The following CDC42BPB variants were observed in gnomAD, a reference collection of about 807,000 sequenced individuals.
The protein encoded by CDC42BPB is serine/threonine-protein kinase MRCK beta.
CDC42BPB carries 37 observed loss-of-function variants against 214.9 expected under a neutral mutation model. The ratio of observed to expected loss-of-function variants is 0.17; its 90% CI spans 0.13 to 0.23. CDC42BPB has a LOEUF of 0.23. Among genes scored for constraint, CDC42BPB ranks in the 10% least tolerant of loss-of-function variants. CDC42BPB has a pLI of 1.00. For synonymous variants in CDC42BPB, 931 were observed against 884.0 expected, an observed-to-expected ratio of 1.05 and a Z score of -0.94; for missense variants, 1,694 against 2,227.0, an observed-to-expected ratio of 0.76 and a Z score of 4.82.
chr14:102,943,748 G>T lies in CDC42BPB; in HGVS notation c.4408+143C>A. The T allele has an allele frequency of 1.5e-6, 1 of 686,864 alleles. No homozygotes were observed. Among genetic ancestry groups the T allele is most frequent in the African/African-American group, 1.8e-5 (1 of 55,684 alleles). The allele number at this position is 686,864 out of a possible 1,614,324, so 42.5% of individuals were successfully genotyped here. A position where few individuals can be genotyped will look rare whatever the true frequency, so the allele number is the denominator to read the frequency against. ...ATCTGAACCATGCTCTCTGCTGCGG[G>T]CTGGCATGGGGCCCACCTCTCCCGA... On this transcript the variant is annotated intron_variant, in intron 30 of 36. Coordinates refer to ENST00000361246, the MANE Select transcript of CDC42BPB (RefSeq NM_006035.4). This position sits in a 1 kb window ranked among gnomAD's most constrained non-coding sequence, Gnocchi z 4.6.
chr14:103,055,765 C>T lies in CDC42BPB; in HGVS notation c.175+1234G>A, dbSNP rs185317620. Among the ~76,000 whole-genome samples the T allele has an allele frequency of 3.9e-4, 59 of 152,074 alleles. 1 individual carries two copies. The East Asian group carries it at 9.6e-3, about 25-fold the overall frequency. ...TATTTGTAAACAAAATTCCAAATTC[C>T]AGTCACCAATCTGGCAGAGTAGAGT... On this transcript the variant is annotated intron_variant, in intron 1 of 36. Transcript: ENST00000361246.
At chr14:102,971,660 G>A (rs1893478868) in intron 13 of CDC42BPB, among the ~76,000 whole-genome samples, 1 of 152,224 alleles carries the variant, frequency 6.6e-6, no homozygotes, top group Non-Finnish European at 1.5e-5. Flanking sequence ...AAGCCAGGCT[G>A]CATCACAGCA....
At chr14:103,018,467 A>AT (rs1886588705) in intron 1 of CDC42BPB, among the ~76,000 whole-genome samples, 1 of 152,244 alleles carries the variant, frequency 6.6e-6, no homozygotes. Context: ...CCCCATTAAG[A>AT]TAACAATGGT....
chr14:102,943,922 C>A lies in CDC42BPB; in HGVS notation c.4377G>T (p.Glu1459Asp), dbSNP rs1892019355. ...CGACAGGAGCCGCAGGCCACATGAG[C>A]TCCTGCGCGCGTGCCCTCCGGCCTT... ...DPQGRRARAQ[E>D]LMWPAAPVAC... Residue 1459 changes from glutamate to aspartate, a missense_variant, in exon 30 of 37, where the codon GAG becomes GAT. Coordinates refer to ENST00000361246, the MANE Select transcript of CDC42BPB (RefSeq NM_006035.4). The surrounding 1 kb of genome is among the most constrained non-coding windows in gnomAD (Gnocchi z 4.6). 6.2e-7 allele frequency: 1 copy of A among 1,611,746 alleles called. No individual in the cohort carries two copies. Among genetic ancestry groups the A allele is most frequent in the African/African-American group, 1.3e-5 (1 of 74,936 alleles).
At chr14:103,031,485 T>C (rs2139706301) in intron 1 of CDC42BPB, among the ~76,000 whole-genome samples, 1 of 152,350 alleles carries the variant, frequency 6.6e-6, no homozygotes, top group South Asian at 2.1e-4. Context: ...GCATTTCCTT[T>C]CACAAGCTAC....
intron 1 of CDC42BPB, among the ~76,000 whole-genome samples, chr14:103,036,726 GAC>G (rs1887686324): frequency 1.3e-5 from 2 of 152,308 alleles, no homozygotes; most frequent in East Asian, 1.9e-4. Flanking sequence ...TATCAATACA[GAC>G]AATAAAAAAT....
chr14:102,935,741 G>C (rs1891621898), intron 36 of CDC42BPB, among the ~76,000 whole-genome samples: 1 of 135,500 alleles, frequency 7.4e-6, no homozygotes, highest in Non-Finnish European at 1.5e-5. Context: ...AGTGAGCCAA[G>C]ATCGTGCCAC....
chr14:103,056,427 G>A (rs921248291), intron 1 of CDC42BPB, among the ~76,000 whole-genome samples: 1 of 152,168 alleles, frequency 6.6e-6, no homozygotes, highest in African/African-American at 2.4e-5. Flanking sequence ...TGGGCTCCCT[G>A]GGGATGCAAG....
chr14:103,026,281 C>G lies in CDC42BPB; in HGVS notation c.176-14093G>C, dbSNP rs562150272. ...TGGCACATGCCTGTAGTCCCAGCTA[C>G]TCAGGAGACTGAGGCAGGAGAATCG... On this transcript the variant is annotated intron_variant, in intron 1 of 36. Coordinates refer to ENST00000361246, the MANE Select transcript of CDC42BPB (RefSeq NM_006035.4). 9.1e-4 allele frequency among the ~76,000 whole-genome samples: 139 copies of G among 151,996 alleles called. 2 individuals are homozygous for G. The highest frequency in any genetic ancestry group is 4.0e-3 in the South Asian group (19 of 4,810).
In CDC42BPB at chr14:103,003,956, T is replaced by G; in HGVS notation, c.419A>C (p.His140Pro). Residue 140 changes from histidine (H) to proline (P), a missense_variant, in exon 4 of 37, where the codon CAC becomes CCC. Physicochemically the swap from His to Pro is moderately conservative, Grantham distance 77. Transcript: ENST00000361246. ...NGDCQWITAL[H>P]YAFQDENHLY... ...GTGGTTCTCGTCCTGAAAGGCGTAG[T>G]GCAGCGCGGTGATCCACTGGCAGTC... 6.2e-7 allele frequency: 1 copy of G among 1,612,044 alleles called. No homozygotes were observed. The highest frequency in any genetic ancestry group is 8.5e-7 in the Non-Finnish European group (1 of 1,179,328).
At position 102,933,190 on chromosome 14, in the gene CDC42BPB, T is replaced by G. The variant is rs1891475013; in HGVS notation, c.*522A>C. 6.6e-6 allele frequency: 1 copy of G among 152,552 alleles called. No homozygotes were observed. The highest frequency in any genetic ancestry group is 1.9e-4 in the East Asian group (1 of 5,200). The allele number at this position is 152,552 out of a possible 1,614,324, so 9.4% of individuals were successfully genotyped here. ...GGTCAGCAGGACTTCTGCAGCTGAC[T>G]GTGCAATGGCTAAATGAAAAAAAGG... On this transcript the variant is annotated 3_prime_UTR_variant, in exon 37 of 37. Transcript: ENST00000361246.
chr14:102,975,591 C>A, intron 11 of CDC42BPB, 93 bp downstream of exon 11: 2 of 1,321,770 alleles, frequency 1.5e-6, no homozygotes, highest in Non-Finnish European at 2.1e-6. Flanking sequence ...TTTTTTTCTG[C>A]TTTCCCACTT....
intron 14 of CDC42BPB, chr14:102,968,920 G>A (rs1893346202): frequency 1.0e-6 from 1 of 984,854 alleles, no homozygotes; most frequent in Non-Finnish European, 1.2e-6. Flanking sequence ...GCAGGGGGAT[G>A]TGCCCAGGTC....
chr14:103,053,532 G>GGC (rs1566929992), intron 1 of CDC42BPB, among the ~76,000 whole-genome samples: 3 of 151,600 alleles, frequency 2.0e-5, no homozygotes, highest in South Asian at 2.1e-4. Context: ...GAGGCCAAGG[G>GGC]GGGCAGATCA....
intron 1 of CDC42BPB, among the ~76,000 whole-genome samples, chr14:103,016,946 G>A (rs758602579): frequency 3.9e-5 from 6 of 152,106 alleles, no homozygotes; most frequent in African/African-American, 9.7e-5. Context: ...TCAGGAAACC[G>A]CAAGGTGAGC....
At chr14:103,028,107 G>C (rs1181507623) in intron 1 of CDC42BPB, among the ~76,000 whole-genome samples, 1 of 152,178 alleles carries the variant, frequency 6.6e-6, no homozygotes, top group Non-Finnish European at 1.5e-5. Context: ...TCCAGCCTGG[G>C]TGACAGAGCA....
chr14:102,945,854 G>T, intron 28 of CDC42BPB, 130 bp from the exon 29 acceptor site: 1 of 739,586 alleles, frequency 1.4e-6, no homozygotes, highest in Non-Finnish European at 2.4e-6. Flanking sequence ...GCATTCCAGG[G>T]ATGTGACACT....
rs1891453045 is a variant in CDC42BPB, at chr14:102,932,884, G to GGA, written c.*827_*828insTC. 1 of 126,014 alleles carries GGA rather than the reference G, an allele frequency of 7.9e-6. No homozygotes were observed. The highest frequency in any genetic ancestry group is 3.1e-5 in the African/African-American group (1 of 31,882). The allele number at this position is 126,014 out of a possible 1,614,324, so 7.8% of individuals were successfully genotyped here. On this transcript the variant is annotated 3_prime_UTR_variant, in exon 37 of 37. Transcript: ENST00000361246. ...GCGGGGGCAGGACTGGTGGGGGGGG[G>GGA]GGCGGGCAGGGCGGGGCGGGGTGGG... is the stretch of plus-strand genomic sequence containing the variant.
At chr14:102,966,527 T>C (rs1051739256) in intron 17 of CDC42BPB, 140 bp from the exon 18 acceptor site, 6 of 1,447,514 alleles carry the variant, frequency 4.1e-6, no homozygotes, top group African/African-American at 2.8e-5. Context: ...GTACCCGTTG[T>C]ATACACGGGA....
Sources: allele counts gnomAD v4.1 joint callset (sites outside exome capture counted in the v4.1 genomes callset), GRCh38; gene constraint gnomAD v4.1.1; non-coding constraint Gnocchi (gnomAD v3.1); transcripts MANE v1.5; gene names NCBI Gene and HGNC (gene_info 2026-07-23, HGNC 2026-07-21).